The following NUMB variants were observed in gnomAD, a reference collection of about 807,000 sequenced individuals.
The protein encoded by NUMB is NUMB endocytic adaptor protein.
In NUMB, 29 loss-of-function variants were observed where a neutral mutation model predicts 59.7. The observed-to-expected ratio is 0.49, with a 90% CI of 0.36 to 0.66. The LOEUF (loss-of-function observed/expected upper bound fraction) is 0.66. NUMB is among the 30% of genes least tolerant of loss of function. NUMB has a pLI of 0.00. For missense variants in NUMB, 723 were observed against 822.0 expected, an observed-to-expected ratio of 0.88 and a Z score of 1.47; for synonymous variants, 288 against 288.2, an observed-to-expected ratio of 1.00 and a Z score of 0.01.
chr14:73,321,864 G>A (rs1457405699), intron 5 of NUMB, among the ~76,000 whole-genome samples: 3 of 152,018 alleles, frequency 2.0e-5, no homozygotes, highest in Non-Finnish European at 4.4e-5. Context: ...AAATTTTTTA[G>A]TTCTTTGTAT....
rs181833574 is a variant in NUMB at position 73,445,875 on chromosome 14, G to C, written c.-233+12618C>G. ...TAAACTCAGCCCCCAATGTGGGGGA[G>C]GGGTTCCATCATTCATCAGTACATT... On this transcript the variant is annotated intron_variant, in intron 1 of 12. Transcript: ENST00000555238. Among the ~76,000 whole-genome samples the C allele has an allele frequency of 3.5e-4, 53 of 152,228 alleles. 2 individuals carry two copies. In the East Asian group the frequency reaches 6.5e-3, roughly 19 times the overall value.
intron 2 of NUMB, among the ~76,000 whole-genome samples, chr14:73,394,405 TAAAAAA>T (rs74677402): frequency 1.7e-3 from 236 of 137,416 alleles, no homozygotes; most frequent in African/African-American, 6.1e-3. Flanking sequence ...CAGTTTTCTT[TAAAAAA>T]AAAAAAAAAA....
intron 4 of NUMB, among the ~76,000 whole-genome samples, chr14:73,352,506 A>T (rs867937727): frequency 4.0e-4 from 5 of 12,468 alleles, no homozygotes; most frequent in African/African-American, 2.0e-3. Flanking sequence ...ATATATATAT[A>T]TATATATATA....
intron 2 of NUMB, among the ~76,000 whole-genome samples, chr14:73,394,420 A>T (rs566084017): frequency 6.7e-6 from 1 of 150,364 alleles, no homozygotes; most frequent in Non-Finnish European, 1.5e-5. Flanking sequence ...AAAAAAAAAA[A>T]AAAGAGAGAG....
chr14:73,374,714 A>G (rs183782110), intron 2 of NUMB, among the ~76,000 whole-genome samples: 22 of 143,090 alleles, frequency 1.5e-4, no homozygotes, highest in Admixed American at 1.4e-3. Flanking sequence ...TTTAAGTTAC[A>G]TTAACTTTTT....
chr14:73,429,518 C>T (rs964411480), intron 1 of NUMB, among the ~76,000 whole-genome samples: 12 of 152,178 alleles, frequency 7.9e-5, no homozygotes, highest in Non-Finnish European at 1.8e-4. Flanking sequence ...AGTGAATGCA[C>T]TGCCAAATCA....
At chr14:73,312,026 T>TAAA (rs920309166) in intron 6 of NUMB, among the ~76,000 whole-genome samples, 1 of 152,182 alleles carries the variant, frequency 6.6e-6, no homozygotes, top group African/African-American at 2.4e-5. Flanking sequence ...CCAAACTCTT[T>TAAA]AAATGACTCA....
chr14:73,324,260 T>C (rs1166756612), intron 4 of NUMB, among the ~76,000 whole-genome samples: 1 of 152,150 alleles, frequency 6.6e-6, no homozygotes, highest in Non-Finnish European at 1.5e-5. Flanking sequence ...TCACCGTGCA[T>C]TTCCTCCCCT....
intron 2 of NUMB, among the ~76,000 whole-genome samples, chr14:73,380,743 G>C (rs569159258): frequency 0.024 from 1,110 of 46,472 alleles, 3 homozygotes; most frequent in Middle Eastern, 0.067. Flanking sequence ...TTTTTTTTTT[G>C]AGACAGAGTC....
At chr14:73,447,985 A>T (rs1280050829) in intron 1 of NUMB, among the ~76,000 whole-genome samples, 1 of 152,060 alleles carries the variant, frequency 6.6e-6, no homozygotes, top group East Asian at 1.9e-4. Context: ...TTTAGTAAAG[A>T]CTGGGTTTTA....
At chr14:73,315,645 C>T (rs889474682) in intron 6 of NUMB, among the ~76,000 whole-genome samples, 2 of 151,980 alleles carry the variant, frequency 1.3e-5, no homozygotes, top group Non-Finnish European at 2.9e-5. Context: ...CACTTACTAT[C>T]CTGAAATTTA....
rs1158983131 is a variant in NUMB, at chr14:73,277,098, G to C, written c.1436C>G (p.Ala479Gly). The part of the protein sequence containing the change: ...PPPPTAISQP[A>G]SPFQGNAFLT... ...GAATGCATTCCCTTGGAAAGGTGAT[G>C]CTGGCTGGGAGATGGCAGTGGGTGG... The change falls in exon 13 of 13, where the codon GCA (alanine) becomes GGA (glycine). Residue 479 changes from alanine to glycine, a missense_variant. By Grantham distance (60) the Ala-to-Gly change is moderately conservative. Coordinates refer to ENST00000555238, the MANE Select transcript of NUMB (RefSeq NM_001005743.2). The C allele has an allele frequency of 6.2e-7, 1 of 1,614,024 alleles. No individual in the cohort carries two copies. Among genetic ancestry groups the C allele is most frequent in the African/African-American group, 1.3e-5 (1 of 74,942 alleles).
intron 4 of NUMB, among the ~76,000 whole-genome samples, chr14:73,338,304 A>G (rs1351425972): frequency 6.8e-6 from 1 of 148,048 alleles, no homozygotes; most frequent in Non-Finnish European, 1.5e-5. Flanking sequence ...ACAAGCAAAG[A>G]AAAAAAAAAA....
intron 3 of NUMB, among the ~76,000 whole-genome samples, chr14:73,364,064 C>T (rs1894220275): frequency 6.6e-6 from 1 of 152,092 alleles, no homozygotes; most frequent in South Asian, 2.1e-4. Context: ...ACCACATTAA[C>T]AGAATAAAGG....
chr14:73,387,026 G>A (rs969951391), intron 2 of NUMB, among the ~76,000 whole-genome samples: 3 of 149,656 alleles, frequency 2.0e-5, no homozygotes, highest in Non-Finnish European at 4.5e-5. Context: ...GACTACAGGC[G>A]CCCGCCACTA....
chr14:73,406,483 C>A (rs1014095903), intron 2 of NUMB, among the ~76,000 whole-genome samples: 22 of 152,044 alleles, frequency 1.4e-4, no homozygotes, highest in Non-Finnish European at 3.2e-4. Context: ...TTTTCTTAAT[C>A]CAGTCTATCA....
At chr14:73,354,121 T>G (rs1893633875) in intron 4 of NUMB, among the ~76,000 whole-genome samples, 1 of 152,128 alleles carries the variant, frequency 6.6e-6, no homozygotes, top group African/African-American at 2.4e-5. Flanking sequence ...ATGGAAGATT[T>G]TTTTTTTCCC....
At chr14:73,316,662 C>G (rs538673962) in intron 5 of NUMB, among the ~76,000 whole-genome samples, 1 of 152,170 alleles carries the variant, frequency 6.6e-6, no homozygotes, top group Non-Finnish European at 1.5e-5. Flanking sequence ...GAAATCAGAA[C>G]CTGTATCCAT....
intron 6 of NUMB, among the ~76,000 whole-genome samples, chr14:73,305,329 A>T (rs559712982): frequency 1.3e-5 from 2 of 152,292 alleles, no homozygotes; most frequent in South Asian, 4.1e-4. Flanking sequence ...AATTAATTGA[A>T]TCTTCTTGGA....
Sources: allele counts gnomAD v4.1 joint callset (sites outside exome capture counted in the v4.1 genomes callset), GRCh38; gene constraint gnomAD v4.1.1; transcripts MANE v1.5; gene names NCBI Gene and HGNC (gene_info 2026-07-23, HGNC 2026-07-21).